The following RASGRP2 variants were observed in gnomAD, a reference collection of about 807,000 sequenced individuals.
The protein encoded by RASGRP2 is RAS guanyl-releasing protein 2.
In RASGRP2, 44 loss-of-function variants were observed where a neutral mutation model predicts 71.0. The observed-to-expected ratio is 0.62, with a 90% confidence interval of 0.49 to 0.80. RASGRP2 has a LOEUF of 0.80. Ranked by LOEUF, RASGRP2 falls within the 30% of genes least tolerant of loss-of-function variation. The probability of loss-of-function intolerance (pLI) is 0.00; values close to 1 mark genes in which losing one functional copy is unlikely to be tolerated. For synonymous variants in RASGRP2, 350 were observed against 330.7 expected, an observed-to-expected ratio of 1.06 and a Z score of -0.63; for missense variants, 663 against 813.4, an observed-to-expected ratio of 0.82 and a Z score of 2.25.
chr11:64,741,553 TG>T (rs764670357), intron 3 of RASGRP2, 52 bp from the exon 4 acceptor site: 2 of 1,467,318 alleles, frequency 1.4e-6, no homozygotes, highest in Non-Finnish European at 1.9e-6. Flanking sequence ...GAGGCCTGCG[TG>T]GAGGGAGGCT....
rs199566053 is a variant in RASGRP2 at position 64,740,451 on chromosome 11, T to C, written c.372-288A>G. On this transcript the variant is annotated intron_variant, in intron 5 of 16. Coordinates refer to ENST00000394432, the MANE Select transcript of RASGRP2 (RefSeq NM_001098671.2). ...TGCCCTCGAGGAGCTCACAGTCTAC[T>C]GAGGGAGACAGACACAGAAACACAT... 20 of 642,786 alleles carry C rather than the reference T, an allele frequency of 3.1e-5. No individual in the cohort carries two copies. The East Asian group carries it at 6.3e-4, about 20-fold the overall frequency. 39.8% of individuals were successfully genotyped at this position (642,786 alleles called of 1,614,324 possible). A position where few individuals can be genotyped will look rare whatever the true frequency, so the allele number is the denominator to read the frequency against.
chr11:64,741,401 G>A (rs1352165143), intron 4 of RASGRP2, 38 bp downstream of exon 4: 1 of 1,500,850 alleles, frequency 6.7e-7, no homozygotes, highest in African/African-American at 1.4e-5. Flanking sequence ...AGAGAAGGGA[G>A]AAAGGGGAGG....
At chr11:64,730,340 C>T in intron 12 of RASGRP2, 146 bp from the exon 13 acceptor site, 1 of 1,031,286 alleles carries the variant, frequency 9.7e-7, no homozygotes, top group Non-Finnish European at 1.4e-6. Flanking sequence ...CGGCACTGGA[C>T]TAGGGGTCAG....
In RASGRP2 at chr11:64,743,753, C is replaced by A; in HGVS notation, c.-72+250G>T. The A allele has an allele frequency of 3.2e-6, 1 of 311,080 alleles. No individual in the cohort carries two copies. 19.3% of individuals were successfully genotyped at this position (311,080 alleles called of 1,614,324 possible). A position where few individuals can be genotyped will look rare whatever the true frequency, so the allele number is the denominator to read the frequency against. On this transcript the variant is annotated intron_variant, in intron 1 of 16. Transcript: ENST00000394432. This position sits in a 1 kb window ranked among gnomAD's most constrained non-coding sequence, Gnocchi z 4.9. The stretch of plus-strand genomic sequence containing the variant: ...GGTGTCCAGAGGGGGGCGCTCGCGC[C>A]AAGGGTGGCCGGTGGGTGCATGACA...
chr11:64,736,376 A>G (rs1450597345), intron 9 of RASGRP2, among the ~76,000 whole-genome samples: 1 of 150,470 alleles, frequency 6.6e-6, no homozygotes, highest in African/African-American at 2.5e-5. Flanking sequence ...CCCACCCTAG[A>G]CCCCAAGACC....
Position 64,742,629 on chromosome 11 carries a change from T to C in RASGRP2, c.73+165A>G. 1 of 915,276 alleles carries C rather than the reference T, an allele frequency of 1.1e-6. No individual in the cohort carries two copies. Among genetic ancestry groups the C allele is most frequent in the Non-Finnish European group, 1.7e-6 (1 of 587,658 alleles). The allele number at this position is 915,276 out of a possible 1,614,324, so 56.7% of individuals were successfully genotyped here. Reference sequence around the variant, plus strand: ...CTCATCTGTCTGAAGGGCGTGCATCTCTCTGCCCTGCGTTGCGGAGGAGGC... The same window carrying C: ...CTCATCTGTCTGAAGGGCGTGCATCCCTCTGCCCTGCGTTGCGGAGGAGGC... On this transcript the variant is annotated intron_variant, in intron 2 of 16. Transcript: ENST00000394432. This position sits in a 1 kb window ranked among gnomAD's most constrained non-coding sequence, Gnocchi z 4.7.
chr11:64,740,164 C>G lies in RASGRP2; in HGVS notation c.372-1G>C. The G allele has an allele frequency of 6.2e-7, 1 of 1,614,016 alleles. No homozygotes were observed. Among genetic ancestry groups the G allele is most frequent in the Non-Finnish European group, 8.5e-7 (1 of 1,180,004 alleles). On this transcript the variant is annotated splice_acceptor_variant, in intron 5 of 16. Coordinates refer to ENST00000394432, the MANE Select transcript of RASGRP2 (RefSeq NM_001098671.2). LOFTEE classifies it high-confidence loss of function. Reference sequence around the variant, plus strand: ...CTGCCGCTTCCACTTGTAGGTAGGGCTGGGGGGGCAGGGGTAGTGAGCCCT... The same window carrying G: ...CTGCCGCTTCCACTTGTAGGTAGGGGTGGGGGGGCAGGGGTAGTGAGCCCT...
Position 64,742,742 on chromosome 11 carries a change from G to A in RASGRP2, c.73+52C>T. On this transcript the variant is annotated intron_variant, in intron 2 of 16. Coordinates refer to ENST00000394432, the MANE Select transcript of RASGRP2 (RefSeq NM_001098671.2). The surrounding 1 kb of genome is among the most constrained non-coding windows in gnomAD (Gnocchi z 4.7). ...CTGTGCCTGGGAGGCAGGGACCCGG[G>A]CTCAGACTCGGGGCTAGGCTCAGGC... The A allele has an allele frequency of 1.3e-6, 2 of 1,565,154 alleles. No individual in the cohort carries two copies. Among genetic ancestry groups the A allele is most frequent in the Non-Finnish European group, 1.7e-6 (2 of 1,155,346 alleles).
At chr11:64,741,619 C>A in intron 3 of RASGRP2, 118 bp from the exon 4 acceptor site, 1 of 897,124 alleles carries the variant, frequency 1.1e-6, no homozygotes, top group East Asian at 2.8e-5. Context: ...TTGCGCTCTG[C>A]GGAGATGCTG....
intron 12 of RASGRP2, among the ~76,000 whole-genome samples, chr11:64,734,404 C>G (rs2057863961): frequency 6.6e-6 from 1 of 152,010 alleles, no homozygotes; most frequent in Admixed American, 6.6e-5. Flanking sequence ...CCTGCCAACT[C>G]AGTCTCCCAA....
Position 64,735,439 on chromosome 11 carries a change from C to T in RASGRP2, c.1296+103G>A. 6.3e-7 allele frequency: 1 copy of T among 1,592,396 alleles called. No homozygotes were observed. The highest frequency in any genetic ancestry group is 1.7e-5 in the Admixed American group (1 of 60,006). On this transcript the variant is annotated intron_variant, in intron 11 of 16. Transcript: ENST00000394432. The surrounding 1 kb of genome is among the most constrained non-coding windows in gnomAD (Gnocchi z 4.2). ...TGCCAGGCCCTGTGACTCCTAGGGG[C>T]TGAGTGCTGGGTCTTGAACAGGACA...
chr11:64,731,153 G>C (rs494128), intron 12 of RASGRP2, among the ~76,000 whole-genome samples: 1 of 152,074 alleles, frequency 6.6e-6, no homozygotes, highest in African/African-American at 2.4e-5. Flanking sequence ...TCAGGAGTTC[G>C]AGACCAGCCT....
In RASGRP2 at chr11:64,739,534, C is replaced by A. The variant is rs1011286338; in HGVS notation, c.697-58G>T. 1 of 1,609,796 alleles carries A rather than the reference C, an allele frequency of 6.2e-7. No homozygotes were observed. Among genetic ancestry groups the A allele is most frequent in the Admixed American group, 1.7e-5 (1 of 60,012 alleles). The stretch of plus-strand genomic sequence containing the variant: ...GTCACTGAGTGGGCCCAGAATTTGG[C>A]CCAGCTTATCTAGAGAGAAGGCAGT... On this transcript the variant is annotated intron_variant, in intron 7 of 16. Coordinates refer to ENST00000394432, the MANE Select transcript of RASGRP2 (RefSeq NM_001098671.2). This position sits in a 1 kb window ranked among gnomAD's most constrained non-coding sequence, Gnocchi z 4.2.
chr11:64,741,003 G>C lies in RASGRP2; in HGVS notation c.316C>G (p.Leu106Val). 4 of 1,613,868 alleles carry C rather than the reference G, an allele frequency of 2.5e-6. No homozygotes were observed. Among genetic ancestry groups the C allele is most frequent in the Non-Finnish European group, 3.4e-6 (4 of 1,180,008 alleles). The change falls in exon 5 of 17, where the codon CTG (leucine) becomes GTG (valine). Residue 106 changes from leucine to valine, a missense_variant. Coordinates refer to ENST00000394432, the MANE Select transcript of RASGRP2 (RefSeq NM_001098671.2). ...CGTCGGTTCCCTTCTTGGTCTAGCA[G>C]AGCCTTCAGCTCCTTGATCTGCTCA... ...LAEQIKELKA[L>V]LDQEGNRRHS...
intron 16 of RASGRP2, 45 bp downstream of exon 16, chr11:64,727,251 C>G (rs551781055): frequency 4.5e-6 from 7 of 1,551,132 alleles, no homozygotes; most frequent in East Asian, 2.2e-5. Context: ...AGCTCCCCCC[C>G]AGCCCTCAGT....
Position 64,739,650 on chromosome 11 carries a change from C to A in RASGRP2, c.682G>T (p.Val228Phe). 1 of 1,613,550 alleles carries A rather than the reference C, an allele frequency of 6.2e-7. No individual in the cohort carries two copies. Residue 228 changes from valine to phenylalanine, a missense_variant, in exon 7 of 17, where the codon GTC becomes TTC. Val to Phe is a conservative substitution (Grantham distance 50). Coordinates refer to ENST00000394432, the MANE Select transcript of RASGRP2 (RefSeq NM_001098671.2). This position sits in a 1 kb window ranked among gnomAD's most constrained non-coding sequence, Gnocchi z 4.2. ...PQRALVITHF[V>F]HVAEKLLQLQ... ...GGGGCAGGCACCTCCGCCACGTGGACAAAGTGTGTGATGACCAGGGCCCGC... is the reference window on the plus strand; with the variant it reads ...GGGGCAGGCACCTCCGCCACGTGGAAAAAGTGTGTGATGACCAGGGCCCGC...
At chr11:64,740,625 T>A in intron 5 of RASGRP2, 1 of 651,058 alleles carries the variant, frequency 1.5e-6, no homozygotes, top group South Asian at 1.7e-5. Flanking sequence ...CTGAACTGAG[T>A]CTTGGTAACA....
intron 3 of RASGRP2, 31 bp from the exon 4 acceptor site, chr11:64,741,532 CTCTA>C (rs1419171110): frequency 2.0e-6 from 3 of 1,532,368 alleles, no homozygotes; most frequent in Non-Finnish European, 2.7e-6. Flanking sequence ...GGCCGCTTAA[CTCTA>C]GAAAGGGAGG....
Position 64,739,703 on chromosome 11 carries a change from A to T in RASGRP2, c.629T>A (p.Met210Lys). The T allele has an allele frequency of 6.2e-7, 1 of 1,613,966 alleles. No individual in the cohort carries two copies. The highest frequency in any genetic ancestry group is 8.5e-7 in the Non-Finnish European group (1 of 1,179,932). ...FNSVSQWVQLMILSKPTAPQR... is the reference protein window; with the variant it reads ...FNSVSQWVQLKILSKPTAPQR... The stretch of plus-strand genomic sequence containing the variant: ...CGGGGCTGTGGGTTTGCTGAGGATC[A>T]TGAGCTGCACCCACTGTGAGACGCT... The change falls in exon 7 of 17, where the codon ATG becomes AAG. Residue 210 changes from methionine to lysine, a missense_variant. Transcript: ENST00000394432. This position sits in a 1 kb window ranked among gnomAD's most constrained non-coding sequence, Gnocchi z 4.2.
Sources: gnomAD v4.1 joint callset for allele counts (sites outside exome capture counted in the v4.1 genomes callset) on GRCh38, gnomAD v4.1.1 for gene constraint, Gnocchi (gnomAD v3.1) non-coding constraint, MANE v1.5 for transcripts, NCBI Gene and HGNC (gene_info 2026-07-23, HGNC 2026-07-21) for gene names.